ELOVL7: variants seen among roughly 807,000 people sequenced by gnomAD.
The protein encoded by ELOVL7 is ELOVL fatty acid elongase 7.
In ELOVL7, 27 loss-of-function variants were observed where a neutral mutation model predicts 35.7. That is an observed-to-expected ratio of 0.76 (90% CI 0.56 to 1.04). The LOEUF (loss-of-function observed/expected upper bound fraction) is 1.04. ELOVL7 is among the 50% of genes least tolerant of loss of function. ELOVL7 has a pLI of 0.00. For synonymous variants in ELOVL7, 113 were observed against 114.6 expected (o/e 0.99, Z 0.09); for missense variants, 327 against 340.8 (o/e 0.96, Z 0.32).
At chr5:60,779,065 A>G (rs1743079699) in intron 3 of ELOVL7, among the ~76,000 whole-genome samples, 1 of 152,188 alleles carries the variant, frequency 6.6e-6, no homozygotes, top group African/African-American at 2.4e-5. Flanking sequence ...TCTCACATCT[A>G]GGTCATACTG....
chr5:60,760,465 C>A (rs372839127), intron 7 of ELOVL7, among the ~76,000 whole-genome samples: 3 of 152,060 alleles, frequency 2.0e-5, no homozygotes, highest in Non-Finnish European at 2.9e-5. Flanking sequence ...TCATGTCCTT[C>A]GCCCACTTTT....
chr5:60,754,292 T>C lies in ELOVL7; in HGVS notation c.*332A>G. 1 of 211,488 alleles carries C rather than the reference T, an allele frequency of 4.7e-6. No individual in the cohort carries two copies. The highest frequency in any genetic ancestry group is 9.6e-6 in the Non-Finnish European group (1 of 104,208). 13.1% of individuals were successfully genotyped at this position (211,488 alleles called of 1,614,324 possible). A position where few individuals can be genotyped will look rare whatever the true frequency, so the allele number is the denominator to read the frequency against. ...AAAATACCTAATGATATTTTTCATC[T>C]TTATTGGACTTCTTTGAAGAGTACT... On this transcript the variant is annotated 3_prime_UTR_variant, in exon 9 of 9. Transcript: ENST00000508821.
At position 60,794,063 on chromosome 5, in the gene ELOVL7, A is replaced by C. The variant is rs569075036; in HGVS notation, c.-35+5117T>G. Among the ~76,000 whole-genome samples the C allele has an allele frequency of 2.6e-5, 4 of 152,292 alleles. No homozygotes were observed. The East Asian group carries it at 7.7e-4, about 29-fold the overall frequency. On this transcript the variant is annotated intron_variant, in intron 2 of 8. Coordinates refer to ENST00000508821, the MANE Select transcript of ELOVL7 (RefSeq NM_024930.3). ...CTCAGCCTGCCTCCAAAGGCCTGAA[A>C]AATGTATGGCAGGAGTAGAGTAAAC...
intron 4 of ELOVL7, 42 bp downstream of exon 4, chr5:60,771,861 C>T: frequency 7.1e-7 from 1 of 1,416,518 alleles, no homozygotes; most frequent in Non-Finnish European, 9.6e-7. Flanking sequence ...AACAGAAAAA[C>T]TCAGGCAAAA....
intron 7 of ELOVL7, among the ~76,000 whole-genome samples, chr5:60,763,575 G>T (rs887789896): frequency 2.0e-5 from 3 of 150,530 alleles, no homozygotes; most frequent in Admixed American, 1.3e-4. Context: ...ATTTAAAACT[G>T]TATAATAGGA....
At chr5:60,820,819 C>T (rs1341587300) in intron 1 of ELOVL7, among the ~76,000 whole-genome samples, 1 of 152,144 alleles carries the variant, frequency 6.6e-6, no homozygotes. Flanking sequence ...CTTCCCCTTT[C>T]CTTCAACTCC....
chr5:60,837,204 CGGGCAGATCACCTGA>C (rs1355651754), intron 1 of ELOVL7, among the ~76,000 whole-genome samples: 1 of 149,882 alleles, frequency 6.7e-6, no homozygotes, highest in Non-Finnish European at 1.5e-5. Context: ...GAGGCTGAGG[CGGGCAGATCACCTGA>C]GGTCGGGAGT....
intron 2 of ELOVL7, among the ~76,000 whole-genome samples, chr5:60,790,370 A>G (rs766462085): frequency 1.6e-4 from 24 of 152,254 alleles, no homozygotes; most frequent in Admixed American, 5.9e-4. Context: ...TTACCTATCT[A>G]AAAATAAAGA....
chr5:60,770,842 C>T (rs750560925), intron 4 of ELOVL7, among the ~76,000 whole-genome samples: 27 of 152,236 alleles, frequency 1.8e-4, no homozygotes, highest in African/African-American at 5.3e-4. Context: ...GGACCACGGG[C>T]GTGCACCGCC....
At chr5:60,788,368 A>T (rs893028284) in intron 2 of ELOVL7, among the ~76,000 whole-genome samples, 1 of 152,186 alleles carries the variant, frequency 6.6e-6, no homozygotes, top group African/African-American at 2.4e-5. Flanking sequence ...CTGCACAACA[A>T]TGTAAATGTA....
At chr5:60,784,049 G>T (rs1404222046) in intron 3 of ELOVL7, 10 of 873,484 alleles carry the variant, frequency 1.1e-5, no homozygotes, top group Non-Finnish European at 1.7e-5. Context: ...TCGTTTCTAA[G>T]AGTGTCCCAG....
At chr5:60,775,731 G>A (rs1252669685) in intron 3 of ELOVL7, among the ~76,000 whole-genome samples, 9 of 152,126 alleles carry the variant, frequency 5.9e-5, no homozygotes, top group Non-Finnish European at 1.5e-5. Context: ...AATGGGGAAA[G>A]GACTCCCTAT....
intron 3 of ELOVL7, among the ~76,000 whole-genome samples, chr5:60,777,511 C>G (rs968175636): frequency 6.6e-6 from 1 of 151,902 alleles, no homozygotes; most frequent in Non-Finnish European, 1.5e-5. Context: ...CTTAGACTGC[C>G]TTTAAAACAT....
intron 2 of ELOVL7, among the ~76,000 whole-genome samples, chr5:60,788,589 A>G (rs575110743): frequency 2.0e-5 from 3 of 152,284 alleles, no homozygotes; most frequent in East Asian, 3.9e-4. Flanking sequence ...AGCCTGACCA[A>G]CATGGTGAAA....
chr5:60,782,207 T>C lies in ELOVL7; in HGVS notation c.64+5127A>G, dbSNP rs182778809. Among the ~76,000 whole-genome samples, 332 of 152,278 alleles carry C rather than the reference T, an allele frequency of 2.2e-3. 1 individual carries two copies. Among genetic ancestry groups the C allele is most frequent in the Non-Finnish European group, 3.3e-3 (224 of 68,032 alleles). On this transcript the variant is annotated intron_variant, in intron 3 of 8. Transcript: ENST00000508821. ...ATTAAAAAAACAAAGAGATATAACC[T>C]TACATTTGTAAGAATGTCTGTTATC...
chr5:60,800,094 A>G (rs1450276485), intron 1 of ELOVL7, among the ~76,000 whole-genome samples: 2 of 152,048 alleles, frequency 1.3e-5, no homozygotes, highest in Non-Finnish European at 2.9e-5. Flanking sequence ...CTTCGAAAAA[A>G]AAATGAAGAG....
At chr5:60,843,258 C>T (rs561468877) in intron 1 of ELOVL7, among the ~76,000 whole-genome samples, 2 of 152,094 alleles carry the variant, frequency 1.3e-5, no homozygotes, top group Non-Finnish European at 2.9e-5. Context: ...CCGCTCCTTC[C>T]CGTCCCGAGT....
intron 3 of ELOVL7, among the ~76,000 whole-genome samples, chr5:60,777,190 C>T (rs74402634): frequency 6.6e-6 from 1 of 151,862 alleles, no homozygotes; most frequent in Non-Finnish European, 1.5e-5. Context: ...GCACGACAGG[C>T]TGACTTATAG....
At chr5:60,784,808 A>C (rs1743472229) in intron 3 of ELOVL7, among the ~76,000 whole-genome samples, 1 of 152,242 alleles carries the variant, frequency 6.6e-6, no homozygotes, top group Admixed American at 6.5e-5. Flanking sequence ...AAAGCTGTAT[A>C]TCTCAAAACA....
Sources: gnomAD v4.1 joint callset for allele counts (sites outside exome capture counted in the v4.1 genomes callset) on GRCh38, gnomAD v4.1.1 for gene constraint, MANE v1.5 for transcripts, NCBI Gene and HGNC (gene_info 2026-07-23, HGNC 2026-07-21) for gene names.